RASSF5: variants seen among roughly 807,000 people sequenced by gnomAD.
The protein encoded by RASSF5 is ras association domain-containing protein 5.
In RASSF5, 25 loss-of-function variants were observed where a neutral mutation model predicts 40.5. The observed-to-expected ratio is 0.62, with a 90% CI of 0.45 to 0.86. The LOEUF (loss-of-function observed/expected upper bound fraction) is 0.86, where lower values mean the gene tolerates loss of function less well. RASSF5 is among the 40% of genes least tolerant of loss of function. The pLI, the probability that RASSF5 is intolerant of heterozygous loss-of-function variation, is 0.00. For synonymous variants in RASSF5, 246 were observed against 252.4 expected (o/e 0.97, Z 0.24); for missense variants, 521 against 572.8 (o/e 0.91, Z 0.92).
At chr1:206,533,340 A>C (rs1257718274) in intron 1 of RASSF5, among the ~76,000 whole-genome samples, 1 of 152,126 alleles carries the variant, frequency 6.6e-6, no homozygotes, top group Admixed American at 6.5e-5. Flanking sequence ...TGATCTCTGG[A>C]GGAGGTTTCC....
chr1:206,514,634 A>C (rs1558494788), intron 1 of RASSF5, among the ~76,000 whole-genome samples: 2 of 152,238 alleles, frequency 1.3e-5, no homozygotes, highest in African/African-American at 2.4e-5. Flanking sequence ...AGAAAATTAA[A>C]ACTTGGCTTA....
Position 206,584,824 on chromosome 1 carries a change from A to G in RASSF5, c.988+140A>G, listed in dbSNP as rs143066793. 1.6e-3 allele frequency: 1,423 copies of G among 873,482 alleles called. 21 individuals are homozygous for G. The Admixed American group carries it at 0.022, about 13-fold the overall frequency. 54.1% of individuals were successfully genotyped at this position (873,482 alleles called of 1,614,324 possible). A position where few individuals can be genotyped will look rare whatever the true frequency, so the allele number is the denominator to read the frequency against. ...GGGTCCAGCTGCCCATGTGGTGTTC[A>G]GATCTGTGGAATCCGGGCAGGGAGG... On this transcript the variant is annotated intron_variant, in intron 4 of 5. Transcript: ENST00000579436. This position sits in a 1 kb window ranked among gnomAD's most constrained non-coding sequence, Gnocchi z 4.9.
chr1:206,553,158 C>T (rs759676854), intron 2 of RASSF5, among the ~76,000 whole-genome samples: 27 of 151,902 alleles, frequency 1.8e-4, no homozygotes, highest in Middle Eastern at 3.4e-3. Flanking sequence ...GATGAGATCG[C>T]GCCACTGCAC....
At chr1:206,512,673 G>A (rs1314636770) in intron 1 of RASSF5, among the ~76,000 whole-genome samples, 1 of 152,028 alleles carries the variant, frequency 6.6e-6, no homozygotes, top group Non-Finnish European at 1.5e-5. Context: ...AGAAAAGACA[G>A]CCCCCAGCCC....
intron 1 of RASSF5, 70 bp from the exon 2 acceptor site, chr1:206,538,102 T>G: frequency 6.2e-7 from 1 of 1,604,326 alleles, no homozygotes; most frequent in Non-Finnish European, 8.5e-7. Flanking sequence ...TCTCCAAGGT[T>G]ATTTCTCTGG....
At chr1:206,554,338 T>C (rs1667924646) in intron 2 of RASSF5, among the ~76,000 whole-genome samples, 1 of 152,212 alleles carries the variant, frequency 6.6e-6, no homozygotes, top group African/African-American at 2.4e-5. Flanking sequence ...GCTTTTCTGG[T>C]ACATGCAGAA....
At chr1:206,565,183 C>T (rs1553403194) in intron 2 of RASSF5, among the ~76,000 whole-genome samples, 1 of 152,178 alleles carries the variant, frequency 6.6e-6, no homozygotes, top group African/African-American at 2.4e-5. Context: ...CTTCTATTCA[C>T]CCCATCTGTC....
intron 2 of RASSF5, among the ~76,000 whole-genome samples, chr1:206,540,692 C>T (rs1667523697): frequency 6.6e-6 from 1 of 152,228 alleles, no homozygotes. Context: ...TGCTCATTTC[C>T]GCCTTGGCTT....
chr1:206,528,659 G>A (rs1667157345), intron 1 of RASSF5, among the ~76,000 whole-genome samples: 1 of 152,128 alleles, frequency 6.6e-6, no homozygotes, highest in East Asian at 1.9e-4. Flanking sequence ...AGCATATGTA[G>A]GGGCAGGGGG....
At position 206,535,857 on chromosome 1, in the gene RASSF5, C is replaced by G. The variant is rs782082270; in HGVS notation, c.458-2315C>G. Among the ~76,000 whole-genome samples the G allele has an allele frequency of 6.6e-6, 1 of 152,056 alleles. No homozygotes were observed. The highest frequency in any genetic ancestry group is 1.5e-5 in the Non-Finnish European group (1 of 68,004). ...AGGAGGAGAGAGAAATTCCTCCTCT[C>G]CCAGGTGCCTTCCCATTTGTGAGTT... is the stretch of plus-strand genomic sequence containing the variant. On this transcript the variant is annotated intron_variant, in intron 1 of 5. Transcript: ENST00000579436. The surrounding 1 kb of genome is among the most constrained non-coding windows in gnomAD (Gnocchi z 5.0).
intron 1 of RASSF5, among the ~76,000 whole-genome samples, chr1:206,523,626 TA>T (rs1353204236): frequency 2.8e-4 from 29 of 102,216 alleles, no homozygotes; most frequent in Non-Finnish European, 3.9e-4. Flanking sequence ...ATAAAATATA[TA>T]AAATATATTA....
chr1:206,570,078 CTT>C (rs375900760), intron 2 of RASSF5, among the ~76,000 whole-genome samples: 22,757 of 117,244 alleles, frequency 0.19, 2,431 homozygotes, highest in East Asian at 0.41. Context: ...TAAAATTTAC[CTT>C]TTTTTTTTTT....
At position 206,584,362 on chromosome 1, in the gene RASSF5, C is replaced by T. The variant is rs782137327; in HGVS notation, c.691-25C>T. Reference sequence around the variant, plus strand: ...TCATGCAAGGCGGACGGCCCTGACCCCCTGTGACATGCCCCCGCTGGCAGA... The same window carrying T: ...TCATGCAAGGCGGACGGCCCTGACCTCCTGTGACATGCCCCCGCTGGCAGA... On this transcript the variant is annotated intron_variant, in intron 3 of 5. Coordinates refer to ENST00000579436, the MANE Select transcript of RASSF5 (RefSeq NM_182663.4). The surrounding 1 kb of genome is among the most constrained non-coding windows in gnomAD (Gnocchi z 4.9). 6.3e-7 allele frequency: 1 copy of T among 1,593,154 alleles called. No homozygotes were observed. Among genetic ancestry groups the T allele is most frequent in the Non-Finnish European group, 8.6e-7 (1 of 1,168,730 alleles).
chr1:206,508,244 G>C (rs999302411), intron 1 of RASSF5, among the ~76,000 whole-genome samples, 185 bp downstream of exon 1: 1 of 152,152 alleles, frequency 6.6e-6, no homozygotes, highest in Non-Finnish European at 1.5e-5. Context: ...GTATCCTTTA[G>C]TGCCTGCCCA....
At position 206,538,085 on chromosome 1, in the gene RASSF5, A is replaced by G. The variant is rs1667463412; in HGVS notation, c.458-87A>G. On this transcript the variant is annotated intron_variant, in intron 1 of 5. Transcript: ENST00000579436. ...TGCACTGCTCTTCCCACTGGGAACT[A>G]ATGCAATCTCCAAGGTTATTTCTCT... is the stretch of plus-strand genomic sequence containing the variant. 7 of 1,573,064 alleles carry G rather than the reference A, an allele frequency of 4.4e-6. No homozygotes were observed. The South Asian group carries it at 8.0e-5, about 18-fold the overall frequency.
At position 206,507,644 on chromosome 1, in the gene RASSF5, G is replaced by T. The variant is rs782247791; in HGVS notation, c.42G>T (p.Pro14=). The change falls in exon 1 of 6, where the codon CCG becomes CCT. Residue 14 remains proline, a synonymous_variant. Transcript: ENST00000579436. ...CGGCCATCGGGCAGCGCCCGTACCC[G>T]CTACTATTGGACCCCGAGCCGCCGC... ...ASPAIGQRPY[P]LLLDPEPPRY... 1 of 1,535,528 alleles carries T rather than the reference G, an allele frequency of 6.5e-7. No homozygotes were observed. Among genetic ancestry groups the T allele is most frequent in the Non-Finnish European group, 8.7e-7 (1 of 1,147,790 alleles).
chr1:206,588,232 C>T lies in RASSF5; in HGVS notation c.*1254C>T, dbSNP rs1669207267. On this transcript the variant is annotated 3_prime_UTR_variant, in exon 6 of 6. Transcript: ENST00000579436. ...TGAACAATGGCGGCGGTGTGGGAGA[C>T]AAGGCCAGGAGAGCCCGCGTTCAGT... The T allele has an allele frequency of 6.5e-6, 1 of 152,796 alleles. No homozygotes were observed. Among genetic ancestry groups the T allele is most frequent in the Non-Finnish European group, 1.5e-5 (1 of 68,084 alleles). 9.5% of individuals were successfully genotyped at this position (152,796 alleles called of 1,614,324 possible). A position where few individuals can be genotyped will look rare whatever the true frequency, so the allele number is the denominator to read the frequency against.
chr1:206,574,322 T>A (rs1346242614), intron 2 of RASSF5, among the ~76,000 whole-genome samples: 1 of 152,208 alleles, frequency 6.6e-6, no homozygotes, highest in East Asian at 1.9e-4. Flanking sequence ...CATCTCTGTC[T>A]TCCCTTCTCA....
At chr1:206,561,070 G>A (rs1668123941) in intron 2 of RASSF5, among the ~76,000 whole-genome samples, 1 of 152,236 alleles carries the variant, frequency 6.6e-6, no homozygotes, top group African/African-American at 2.4e-5. Context: ...CTCTTGGCAT[G>A]TTAAACAGGC....
Sources: allele counts gnomAD v4.1 joint callset (sites outside exome capture counted in the v4.1 genomes callset), GRCh38; gene constraint gnomAD v4.1.1; non-coding constraint Gnocchi (gnomAD v3.1); transcripts MANE v1.5; gene names NCBI Gene and HGNC (gene_info 2026-07-23, HGNC 2026-07-21).